The following SORCS1 variants were observed in gnomAD, a reference collection of about 807,000 sequenced individuals.
SORCS1 encodes VPS10 domain-containing receptor SorCS1.
A neutral mutation model predicts 146.1 loss-of-function variants in SORCS1; 60 were observed. The ratio of observed to expected loss-of-function variants is 0.41; its 90% CI spans 0.33 to 0.51. SORCS1 has a LOEUF of 0.51. SORCS1 is among the 20% of genes least tolerant of loss of function. The probability of loss-of-function intolerance (pLI) is 0.21; values close to 1 mark genes in which losing one functional copy is unlikely to be tolerated. For missense variants in SORCS1, 1,352 were observed against 1,487.6 expected (o/e 0.91, Z 1.50); for synonymous variants, 637 against 584.0 (o/e 1.09, Z -1.31).
intron 1 of SORCS1, among the ~76,000 whole-genome samples, chr10:107,080,530 T>C (rs573173197): frequency 3.3e-4 from 51 of 152,334 alleles, no homozygotes; most frequent in African/African-American, 1.1e-3. Flanking sequence ...GGTAACAACA[T>C]ATTTATTGAT....
intron 1 of SORCS1, among the ~76,000 whole-genome samples, chr10:107,130,490 G>A (rs1966854915): frequency 6.6e-6 from 1 of 152,194 alleles, no homozygotes. Flanking sequence ...AATCTATCCA[G>A]AAGAGCAAAG....
In SORCS1 at chr10:106,579,388, C is replaced by G. The variant is rs139132974; in HGVS notation, c.3352G>C (p.Val1118Leu). The G allele has an allele frequency of 6.2e-7, 1 of 1,613,890 alleles. No homozygotes were observed. The highest frequency in any genetic ancestry group is 8.5e-7 in the Non-Finnish European group (1 of 1,179,980). Residue 1118 changes from valine to leucine, a missense_variant, in exon 25 of 26, where the codon GTC becomes CTC. By Grantham distance (32) the Val-to-Leu change is conservative. This residue lies in a region of SORCS1 where 214 missense variants were observed against 204.8 expected (regional missense o/e 1.05). Transcript: ENST00000263054. ...ACGCACCTTTTAAACTTGTAGATGA[C>G]GAACACTGCCAGCCCCACAAACACC... The part of the protein sequence containing the change: ...SVVFVGLAVF[V>L]IYKFKRRVAL...
At chr10:106,612,173 T>G (rs1847037843) in intron 21 of SORCS1, 150 bp from the exon 22 acceptor site, 1 of 589,732 alleles carries the variant, frequency 1.7e-6, no homozygotes, top group African/African-American at 1.9e-5. Context: ...CCTGTGAATA[T>G]CTCACCAGCC....
chr10:106,749,432 G>A (rs1857986237), intron 5 of SORCS1, among the ~76,000 whole-genome samples: 1 of 152,136 alleles, frequency 6.6e-6, no homozygotes, highest in South Asian at 2.1e-4. Context: ...GCTTCCTTAG[G>A]CATTCTCTTT....
intron 16 of SORCS1, among the ~76,000 whole-genome samples, chr10:106,670,615 A>G (rs1226696636): frequency 2.0e-5 from 3 of 152,102 alleles, no homozygotes; most frequent in Non-Finnish European, 4.4e-5. Flanking sequence ...CATCTTGAGC[A>G]TAGATGTTTG....
chr10:106,850,871 G>C (rs566026043), intron 2 of SORCS1, among the ~76,000 whole-genome samples: 1 of 152,174 alleles, frequency 6.6e-6, no homozygotes, highest in South Asian at 2.1e-4. Flanking sequence ...CACGCCCTAC[G>C]GCCCTATTCT....
intron 1 of SORCS1, among the ~76,000 whole-genome samples, chr10:107,026,176 T>C (rs1958392136): frequency 6.6e-6 from 1 of 152,226 alleles, no homozygotes; most frequent in Admixed American, 6.5e-5. Context: ...ATTGGAATGT[T>C]TCAGAAAGTT....
At chr10:106,818,899 G>A (rs947620198) in intron 3 of SORCS1, among the ~76,000 whole-genome samples, 2 of 152,098 alleles carry the variant, frequency 1.3e-5, no homozygotes, top group African/African-American at 4.8e-5. Context: ...AGAGTTCTAT[G>A]TACATAGCTA....
At position 106,928,977 on chromosome 10, in the gene SORCS1, G is replaced by A. The variant is rs11193119; in HGVS notation, c.626+27536C>T. The stretch of plus-strand genomic sequence containing the variant: ...TATATATAATTTTATAGGAAAAATA[G>A]AACAAATCTTTTTAAAATTGCAGTT... On this transcript the variant is annotated intron_variant, in intron 2 of 25. Coordinates refer to ENST00000263054, the MANE Select transcript of SORCS1 (RefSeq NM_052918.5). 6.0e-5 allele frequency among the ~76,000 whole-genome samples: 9 copies of A among 151,010 alleles called. No individual in the cohort carries two copies. In the East Asian group the frequency reaches 1.5e-3, roughly 26 times the overall value.
chr10:106,757,002 C>A (rs527651205), intron 5 of SORCS1, among the ~76,000 whole-genome samples: 3 of 152,218 alleles, frequency 2.0e-5, no homozygotes, highest in African/African-American at 7.2e-5. Context: ...GCTGCAGCAC[C>A]TGATTAAAGC....
chr10:107,031,204 G>A (rs753275829), intron 1 of SORCS1, among the ~76,000 whole-genome samples: 3 of 151,988 alleles, frequency 2.0e-5, no homozygotes, highest in Non-Finnish European at 2.9e-5. Flanking sequence ...TCTAACCCCT[G>A]GACCATGAGA....
chr10:107,165,313 G>A (rs1322278350), upstream of SORCS1, among the ~76,000 whole-genome samples: 1 of 151,708 alleles, frequency 6.6e-6, no homozygotes, highest in African/African-American at 2.4e-5. The surrounding 1 kb of genome is among the most constrained non-coding windows in gnomAD (Gnocchi z 4.0). Context: ...GTGTGTGTGT[G>A]TGTGTGTGTT....
At chr10:106,763,683 C>T (rs541079571) in intron 4 of SORCS1, among the ~76,000 whole-genome samples, 39 of 152,248 alleles carry the variant, frequency 2.6e-4, no homozygotes, top group African/African-American at 8.9e-4. Context: ...TTCTATGAAC[C>T]CTCCTCTACC....
At position 107,032,709 on chromosome 10, in the gene SORCS1, G is replaced by A. The variant is rs77404555; in HGVS notation, c.559-76129C>T. 6.6e-5 allele frequency among the ~76,000 whole-genome samples: 10 copies of A among 152,262 alleles called. No homozygotes were observed. In the East Asian group the frequency reaches 1.2e-3, roughly 18 times the overall value. ...GCGATTCTCCACAGCATCTAATGCCGCAGGGAAATGACAACAGAGCTGTTA... is the reference window on the plus strand; with the variant it reads ...GCGATTCTCCACAGCATCTAATGCCACAGGGAAATGACAACAGAGCTGTTA... On this transcript the variant is annotated intron_variant, in intron 1 of 25. Coordinates refer to ENST00000263054, the MANE Select transcript of SORCS1 (RefSeq NM_052918.5).
At chr10:106,891,876 G>T (rs1951251101) in intron 2 of SORCS1, among the ~76,000 whole-genome samples, 1 of 152,144 alleles carries the variant, frequency 6.6e-6, no homozygotes, top group African/African-American at 2.4e-5. Context: ...AATCACTTAA[G>T]AAATGTACTG....
intron 5 of SORCS1, among the ~76,000 whole-genome samples, chr10:106,730,329 G>A (rs1856504423): frequency 6.6e-6 from 1 of 152,162 alleles, no homozygotes; most frequent in Non-Finnish European, 1.5e-5. Flanking sequence ...TGAAAGGCAG[G>A]CTGCATTCTA....
intron 3 of SORCS1, among the ~76,000 whole-genome samples, chr10:106,816,192 T>A (rs1253970203): frequency 3.9e-5 from 6 of 152,214 alleles, no homozygotes; most frequent in Non-Finnish European, 8.8e-5. Context: ...ATTATAAACC[T>A]TTCAATACCT....
chr10:106,814,700 GTCAGGAGA>G (rs1947642708), intron 3 of SORCS1, among the ~76,000 whole-genome samples: 1 of 151,946 alleles, frequency 6.6e-6, no homozygotes, highest in Admixed American at 6.6e-5. Flanking sequence ...GGATCACGAG[GTCAGGAGA>G]TCGAGACCAT....
At chr10:106,641,756 A>G (rs1169171444) in intron 18 of SORCS1, among the ~76,000 whole-genome samples, 5 of 152,140 alleles carry the variant, frequency 3.3e-5, no homozygotes, top group Non-Finnish European at 5.9e-5. Context: ...GATGCCAAAA[A>G]TATTATTACA....
Sources: gnomAD v4.1 joint callset for allele counts (sites outside exome capture counted in the v4.1 genomes callset) on GRCh38, gnomAD v4.1.1 for gene constraint, gnomAD v4.1.1 regional missense constraint, Gnocchi (gnomAD v3.1) non-coding constraint, MANE v1.5 for transcripts, NCBI Gene and HGNC (gene_info 2026-07-23, HGNC 2026-07-21) for gene names.